ZNF540: variants seen among roughly 807,000 people sequenced by gnomAD.
ZNF540 encodes CTD-3064H18.6.
Under a neutral mutation model 11.8 loss-of-function variants are expected in ZNF540, and 3 were observed. That is an observed-to-expected ratio of 0.25 (90% confidence interval 0.12 to 0.65). The LOEUF (loss-of-function observed/expected upper bound fraction) is 0.65. Ranked by LOEUF, ZNF540 falls within the 30% of genes least tolerant of loss-of-function variation. The pLI is 0.83. For missense variants in ZNF540, 709 were observed against 793.1 expected (o/e 0.89, Z 1.27); for synonymous variants, 247 against 259.0 (o/e 0.95, Z 0.45).
Position 37,569,264 on chromosome 19 carries a change from G to A in ZNF540, c.-73+17599G>A, listed in dbSNP as rs1030525209. Among the ~76,000 whole-genome samples the A allele has an allele frequency of 1.3e-5, 2 of 151,846 alleles. No homozygotes were observed. The highest frequency in any genetic ancestry group is 2.1e-4 in the South Asian group (1 of 4,818). The stretch of plus-strand genomic sequence containing the variant: ...CACTGCGCCTGGCCCCAAAGCATCC[G>A]GAACCACAACAAAAACCTACTCAGT... On this transcript the variant is annotated intron_variant, in intron 1 of 4. Transcript: ENST00000592533. This position sits in a 1 kb window ranked among gnomAD's most constrained non-coding sequence, Gnocchi z 4.4.
At chr19:37,564,629 T>A in intron 1 of ZNF540, 1 of 1,561,822 alleles carries the variant, frequency 6.4e-7, no homozygotes, top group Non-Finnish European at 8.7e-7. Flanking sequence ...TTGAGTAAGT[T>A]GTGAAGGACA....
chr19:37,556,292 C>T (rs1044738799), intron 1 of ZNF540: 12 of 598,894 alleles, frequency 2.0e-5, no homozygotes, highest in Non-Finnish European at 3.3e-5. Flanking sequence ...GCGCAAAGGA[C>T]ATAACAGGCA....
chr19:37,564,502 ATGAGCAGATTCTG>A, intron 1 of ZNF540: 1 of 1,192,262 alleles, frequency 8.4e-7, no homozygotes, highest in South Asian at 2.5e-5. Context: ...CCTTCTAAGA[ATGAGCAGATTCTG>A]AGCAGAAGCA....
At chr19:37,553,651 T>G (rs866216733) in intron 1 of ZNF540, among the ~76,000 whole-genome samples, 2 of 152,314 alleles carry the variant, frequency 1.3e-5, no homozygotes, top group Non-Finnish European at 1.5e-5. Context: ...GAATTTTGAG[T>G]GCTTTTTTTC....
In ZNF540 at chr19:37,612,862, T is replaced by A; in HGVS notation, c.1582T>A (p.Cys528Ser). Residue 528 changes from cysteine (C) to serine (S), a missense_variant, in exon 5 of 5, where the codon TGT (cysteine) becomes AGT (serine). Transcript: ENST00000316433. ...TGAAAAGCCCTATAAATGTAAAGAATGTGGAAAGGCCTTTATTCGTAGAGG... is the reference window on the plus strand; with the variant it reads ...TGAAAAGCCCTATAAATGTAAAGAAAGTGGAAAGGCCTTTATTCGTAGAGG... ...TGEKPYKCKE[C>S]GKAFIRRGNL... The A allele has an allele frequency of 6.2e-7, 1 of 1,614,106 alleles. No individual in the cohort carries two copies.
intron 2 of ZNF540, 32 bp from the exon 3 acceptor site, chr19:37,599,594 T>A (rs780296955): frequency 9.3e-6 from 15 of 1,613,184 alleles, no homozygotes; most frequent in Non-Finnish European, 1.2e-5. Flanking sequence ...GTTCTGTAAT[T>A]TCACCAGTAA....
intron 1 of ZNF540, among the ~76,000 whole-genome samples, chr19:37,571,222 G>A (rs370497724): frequency 6.6e-6 from 1 of 152,082 alleles, no homozygotes; most frequent in Non-Finnish European, 1.5e-5. Flanking sequence ...ACGATTCCAG[G>A]CACGGTGGCT....
intron 4 of ZNF540, among the ~76,000 whole-genome samples, chr19:37,605,682 T>C (rs1160741615): frequency 1.3e-5 from 2 of 152,174 alleles, no homozygotes; most frequent in Admixed American, 6.5e-5. Context: ...AAAGTGGCTA[T>C]ATTGTTTGGC....
At chr19:37,591,953 C>T (rs746596475), upstream of ZNF540, among the ~76,000 whole-genome samples, 2 of 151,854 alleles carry the variant, frequency 1.3e-5, no homozygotes, top group Non-Finnish European at 2.9e-5. Flanking sequence ...TTTTTAATCA[C>T]CATATATAAC....
At position 37,566,130 on chromosome 19, in the gene ZNF540, C is replaced by G. The variant is rs1289490827; in HGVS notation, c.-73+14465C>G. 4 of 1,614,062 alleles carry G rather than the reference C, an allele frequency of 2.5e-6. No individual in the cohort carries two copies. The Admixed American group carries it at 6.7e-5, about 27-fold the overall frequency. Reference sequence around the variant, plus strand: ...ATGTAAAGCCCTTCCTGACTTGCTTCTTGACCCTCTAAGTTGCCTTTGCAC... The same window carrying G: ...ATGTAAAGCCCTTCCTGACTTGCTTGTTGACCCTCTAAGTTGCCTTTGCAC... On this transcript the variant is annotated intron_variant, in intron 1 of 4. Transcript: ENST00000592533.
Position 37,599,651 on chromosome 19 carries a change from C to T in ZNF540, c.35C>T (p.Ala12Val). 1 of 1,613,994 alleles carries T rather than the reference C, an allele frequency of 6.2e-7. No homozygotes were observed. Among genetic ancestry groups the T allele is most frequent in the East Asian group, 2.2e-5 (1 of 44,864 alleles). The change falls in exon 3 of 5, where the codon GCT becomes GTT. Residue 12 changes from alanine (A) to valine (V), a missense_variant. By Grantham distance (64) the Ala-to-Val change is moderately conservative (BLOSUM62 0). Transcript: ENST00000316433. The part of the protein sequence containing the change: ...AHALVTFRDV[A>V]IDFSQKEWEC... ...GCATTGGTGACGTTCAGGGATGTGG[C>T]TATAGACTTCTCTCAGAAGGAATGG...
intron 1 of ZNF540, among the ~76,000 whole-genome samples, chr19:37,554,238 A>C (rs2042637308): frequency 6.6e-6 from 1 of 152,188 alleles, no homozygotes; most frequent in Non-Finnish European, 1.5e-5. Flanking sequence ...AAGTGAGAAC[A>C]TAACAGTATT....
intron 1 of ZNF540, among the ~76,000 whole-genome samples, chr19:37,596,125 T>G (rs1341626122): frequency 6.6e-6 from 1 of 152,224 alleles, no homozygotes; most frequent in African/African-American, 2.4e-5. Flanking sequence ...ACAACCAGGA[T>G]GTTGACATTG....
upstream of ZNF540, chr19:37,594,150 G>C (rs1371356561): frequency 1.3e-5 from 2 of 152,210 alleles, no homozygotes; most frequent in Admixed American, 1.3e-4. Flanking sequence ...CTTTAACAGT[G>C]GTCTTCTTCC....
At position 37,599,714 on chromosome 19, in the gene ZNF540, A is replaced by G; in HGVS notation, c.98A>G (p.Asp33Gly). Reference sequence around the variant, plus strand: ...ACTACCCAGAGGAAATTGTACAGAGATGTGATGTTGGAGAATTATAATAAC... The same window carrying G: ...ACTACCCAGAGGAAATTGTACAGAGGTGTGATGTTGGAGAATTATAATAAC... ...LDTTQRKLYRDVMLENYNNLV... is the reference protein window; with the variant it reads ...LDTTQRKLYRGVMLENYNNLV... Residue 33 changes from aspartate to glycine, a missense_variant, in exon 3 of 5, where the codon GAT becomes GGT. By Grantham distance (94) the Asp-to-Gly change is moderately conservative (BLOSUM62 -1). Coordinates refer to ENST00000316433, the MANE Select transcript of ZNF540 (RefSeq NM_001172225.3). The G allele has an allele frequency of 6.2e-7, 1 of 1,612,586 alleles. No individual in the cohort carries two copies.
At chr19:37,574,424 A>G (rs1462310272) in intron 1 of ZNF540, among the ~76,000 whole-genome samples, 2 of 152,202 alleles carry the variant, frequency 1.3e-5, no homozygotes, top group African/African-American at 4.8e-5. Flanking sequence ...TATTTTCACT[A>G]AATTTTTTTA....
chr19:37,565,479 T>A (rs1181847067), intron 1 of ZNF540: 2 of 1,613,192 alleles, frequency 1.2e-6, no homozygotes, highest in African/African-American at 2.7e-5. Flanking sequence ...GAACCAAGAA[T>A]AAAGGCCTTT....
intron 1 of ZNF540, among the ~76,000 whole-genome samples, chr19:37,572,181 T>G (rs1413836328): frequency 6.6e-6 from 1 of 151,384 alleles, no homozygotes; most frequent in Non-Finnish European, 1.5e-5. Context: ...CTAGGACCCA[T>G]ACACTGTAAA....
At chr19:37,554,587 C>G (rs1193716453) in intron 1 of ZNF540, among the ~76,000 whole-genome samples, 1 of 152,134 alleles carries the variant, frequency 6.6e-6, no homozygotes, top group East Asian at 1.9e-4. Context: ...CCTTGAGCTT[C>G]TTAGATCTGT....
Sources: allele counts gnomAD v4.1 joint callset (sites outside exome capture counted in the v4.1 genomes callset), GRCh38; gene constraint gnomAD v4.1.1; non-coding constraint Gnocchi (gnomAD v3.1); transcripts MANE v1.5; gene names NCBI Gene and HGNC (gene_info 2026-07-23, HGNC 2026-07-21).